Variants in ZNF362 observed in about 807,000 individuals in gnomAD.
ZNF362 encodes the protein rotund homolog.
A neutral mutation model predicts 42.9 loss-of-function variants in ZNF362; 11 were observed. The observed-to-expected ratio is 0.26, with a 90% confidence interval of 0.16 to 0.42. The LOEUF (loss-of-function observed/expected upper bound fraction) is 0.42, where lower values mean the gene tolerates loss of function less well. ZNF362 is among the 20% of genes least tolerant of loss of function. ZNF362 has a pLI of 1.00. For synonymous variants in ZNF362, 255 were observed against 257.3 expected (o/e 0.99, Z 0.09); for missense variants, 362 against 576.2 (o/e 0.63, Z 3.81).
chr1:33,281,582 C>T lies in ZNF362; in HGVS notation c.684-5C>T, dbSNP rs769597868. On this transcript the variant is annotated splice_polypyrimidine_tract_variant and splice_region_variant and intron_variant, in intron 5 of 8. Coordinates refer to ENST00000539719, the MANE Select transcript of ZNF362 (RefSeq NM_152493.3). The surrounding 1 kb of genome is among the most constrained non-coding windows in gnomAD (Gnocchi z 4.8). ...TCCCACGTGAACCTGTCTCTTGCTC[C>T]GCAGGTGTAAGGTATGCCCACTGAC... The T allele has an allele frequency of 1.2e-5, 20 of 1,613,930 alleles. No homozygotes were observed. The highest frequency in any genetic ancestry group is 4.4e-5 in the South Asian group (4 of 91,086).
chr1:33,197,608 AAC>A, the ZNF362 span, among the ~76,000 whole-genome samples: 6 of 152,310 alleles, frequency 3.9e-5, no homozygotes, highest in Admixed American at 3.9e-4. Flanking sequence ...AGGTGAGCTA[AAC>A]AGTTTCCAAC....
chr1:33,225,159 T>C, the ZNF362 span, among the ~76,000 whole-genome samples: 1 of 152,184 alleles, frequency 6.6e-6, no homozygotes, highest in Non-Finnish European at 1.5e-5. Context: ...TACTTGATTA[T>C]TCTTCTCTCT....
intron 4 of ZNF362, among the ~76,000 whole-genome samples, chr1:33,277,294 A>C (rs1241204427): frequency 2.6e-5 from 4 of 152,246 alleles, no homozygotes; most frequent in Non-Finnish European, 5.9e-5. Context: ...GAGAAAGGTA[A>C]AGCCACGTGC....
intron 8 of ZNF362, among the ~76,000 whole-genome samples, chr1:33,298,547 T>C (rs1276078322): frequency 1.3e-5 from 2 of 152,114 alleles, no homozygotes; most frequent in African/African-American, 4.8e-5. Context: ...AGAGCAGAGC[T>C]AGGCTCAGAC....
At position 33,300,675 on chromosome 1, in the gene ZNF362, C is replaced by T. The variant is rs1570418889; in HGVS notation, c.*1629C>T. The T allele has an allele frequency of 6.6e-6, 1 of 152,220 alleles. No individual in the cohort carries two copies. Among genetic ancestry groups the T allele is most frequent in the East Asian group, 1.9e-4 (1 of 5,184 alleles). 9.4% of individuals were successfully genotyped at this position (152,220 alleles called of 1,614,324 possible). ...ACAAAGGAATTACAAACCCTCTGCT[C>T]TTTGTATTTCTCTGTTGTGAAGAAT... On this transcript the variant is annotated 3_prime_UTR_variant, in exon 9 of 9. Coordinates refer to ENST00000539719, the MANE Select transcript of ZNF362 (RefSeq NM_152493.3).
At chr1:33,189,256 C>G in the ZNF362 span, among the ~76,000 whole-genome samples, 1 of 152,132 alleles carries the variant, frequency 6.6e-6, no homozygotes, top group African/African-American at 2.4e-5. Flanking sequence ...CATCAGGAAT[C>G]TCTCATGATT....
At chr1:33,164,356 G>T in the ZNF362 span, 1 of 152,308 alleles carries the variant, frequency 6.6e-6, no homozygotes, top group African/African-American at 2.4e-5. Flanking sequence ...CCTGCTGACA[G>T]AGCGGGGTCA....
chr1:33,145,630 C>T, the ZNF362 span: 1 of 268,160 alleles, frequency 3.7e-6, no homozygotes, highest in Non-Finnish European at 7.4e-6. Context: ...GTGTCAGAGA[C>T]CCCAAGTGCA....
At chr1:33,201,184 C>T in the ZNF362 span, among the ~76,000 whole-genome samples, 3 of 152,114 alleles carry the variant, frequency 2.0e-5, no homozygotes, top group Non-Finnish European at 4.4e-5. Context: ...GAGACAAAGC[C>T]ACAATGATAG....
chr1:33,193,038 G>A, the ZNF362 span, among the ~76,000 whole-genome samples: 1 of 138,850 alleles, frequency 7.2e-6, no homozygotes, highest in African/African-American at 2.5e-5. Flanking sequence ...TATATATGCA[G>A]GTTCCAGGGT....
At chr1:33,215,832 C>T in the ZNF362 span, among the ~76,000 whole-genome samples, 5 of 151,092 alleles carry the variant, frequency 3.3e-5, no homozygotes, top group East Asian at 2.0e-4. Context: ...CTTAATGTCA[C>T]GAATTTTTTG....
At chr1:33,201,867 C>A in the ZNF362 span, among the ~76,000 whole-genome samples, 1 of 152,134 alleles carries the variant, frequency 6.6e-6, no homozygotes, top group Non-Finnish European at 1.5e-5. Context: ...AAATCTCTAT[C>A]CAGACTGATT....
the ZNF362 span, among the ~76,000 whole-genome samples, chr1:33,168,740 C>T: frequency 6.6e-6 from 1 of 152,232 alleles, no homozygotes; most frequent in Non-Finnish European, 1.5e-5. Context: ...GACCGCTCCT[C>T]AGGTGCCTCT....
At chr1:33,162,567 A>C in the ZNF362 span, among the ~76,000 whole-genome samples, 1 of 152,108 alleles carries the variant, frequency 6.6e-6, no homozygotes, top group Non-Finnish European at 1.5e-5. Flanking sequence ...GGCAATCAGG[A>C]GTTGCTTGAG....
chr1:33,297,535 C>T (rs1646134109), intron 8 of ZNF362, among the ~76,000 whole-genome samples: 1 of 8,292 alleles, frequency 1.2e-4, no homozygotes, highest in African/African-American at 2.1e-3. Context: ...TTTTTTGAGA[C>T]GGAGTCTTGC....
the ZNF362 span, among the ~76,000 whole-genome samples, chr1:33,237,252 G>C: frequency 6.6e-6 from 1 of 152,144 alleles, no homozygotes; most frequent in Non-Finnish European, 1.5e-5. Flanking sequence ...AATATTATCT[G>C]TTAAGAGCTT....
the ZNF362 span, among the ~76,000 whole-genome samples, chr1:33,160,176 T>C: frequency 2.6e-5 from 4 of 152,064 alleles, no homozygotes; most frequent in African/African-American, 9.7e-5. Flanking sequence ...AGGCCTGAAC[T>C]AGAGGAGCAG....
the ZNF362 span, among the ~76,000 whole-genome samples, chr1:33,188,687 G>A: frequency 6.6e-6 from 1 of 152,116 alleles, no homozygotes; most frequent in Non-Finnish European, 1.5e-5. Flanking sequence ...GGTCAGCCTC[G>A]GCCAGAGGAA....
the ZNF362 span, among the ~76,000 whole-genome samples, chr1:33,192,901 T>TA: frequency 1.3e-5 from 2 of 150,850 alleles, no homozygotes; most frequent in African/African-American, 4.9e-5. Flanking sequence ...TATTCCAAAA[T>TA]AAAAAGTTAA....
Sources: gnomAD v4.1 joint callset for allele counts (sites outside exome capture counted in the v4.1 genomes callset) on GRCh38, gnomAD v4.1.1 for gene constraint, Gnocchi (gnomAD v3.1) non-coding constraint, MANE v1.5 for transcripts, NCBI Gene and HGNC (gene_info 2026-07-23, HGNC 2026-07-21) for gene names.